The following DPH7 variants were observed in gnomAD, a reference collection of about 807,000 sequenced individuals.
DPH7 encodes diphthamide biosynthesis 7.
A neutral mutation model predicts 41.7 loss-of-function variants in DPH7; 44 were observed. The observed-to-expected ratio is 1.05, with a 90% CI of 0.83 to 1.36. DPH7 has a LOEUF of 1.36. DPH7 is among the 40% of genes most tolerant of loss of function. The probability of loss-of-function intolerance (pLI) is 0.00; values close to 1 mark genes in which losing one functional copy is unlikely to be tolerated. For synonymous variants in DPH7, 275 were observed against 238.0 expected (o/e 1.16, Z -1.43); for missense variants, 629 against 577.5 (o/e 1.09, Z -0.91).
At chr9:137,578,300 G>A (rs901749619) in intron 1 of DPH7, among the ~76,000 whole-genome samples, 6 of 152,198 alleles carry the variant, frequency 3.9e-5, no homozygotes, top group Non-Finnish European at 7.3e-5. Context: ...GAGTGGCTGG[G>A]ACTACAGGCG....
intron 5 of DPH7, among the ~76,000 whole-genome samples, chr9:137,572,591 C>T (rs1257395531): frequency 6.6e-6 from 1 of 152,160 alleles, no homozygotes; most frequent in African/African-American, 2.4e-5. Context: ...CAGATCTTTT[C>T]TTCGGCTGTT....
intron 5 of DPH7, among the ~76,000 whole-genome samples, chr9:137,570,189 A>G (rs1379531589): frequency 7.4e-6 from 1 of 134,828 alleles, no homozygotes; most frequent in African/African-American, 2.9e-5. Flanking sequence ...ATGGACCCTC[A>G]TAATAGACAC....
chr9:137,577,109 A>G (rs940193555), intron 2 of DPH7, among the ~76,000 whole-genome samples: 8 of 152,108 alleles, frequency 5.3e-5, no homozygotes. Flanking sequence ...GGGCATCTCC[A>G]TTACGTTAAG....
At chr9:137,571,821 TA>T (rs1341882282) in intron 5 of DPH7, among the ~76,000 whole-genome samples, 1 of 152,024 alleles carries the variant, frequency 6.6e-6, no homozygotes, top group East Asian at 1.9e-4. Context: ...TAATAAAACT[TA>T]AAAAAGAAAG....
chr9:137,558,879 C>T (rs889332207), intron 8 of DPH7, among the ~76,000 whole-genome samples: 10 of 152,042 alleles, frequency 6.6e-5, no homozygotes, highest in South Asian at 2.1e-4. Flanking sequence ...GGACTACAGG[C>T]GCCCGACCTC....
chr9:137,556,774 C>T lies in DPH7; in HGVS notation c.950-1126G>A, dbSNP rs1004168303. 2.9e-5 allele frequency: 13 copies of T among 455,448 alleles called. No homozygotes were observed. Among genetic ancestry groups the T allele is most frequent in the Admixed American group, 7.1e-5 (3 of 42,364 alleles). The allele number at this position is 455,448 out of a possible 1,614,324, so 28.2% of individuals were successfully genotyped here. Reference sequence around the variant, plus strand: ...CTCCGCTAGTCTTTCATCCAGCAATCGCTCAACACGTCCACTCGGGCCAGC... The same window carrying T: ...CTCCGCTAGTCTTTCATCCAGCAATTGCTCAACACGTCCACTCGGGCCAGC... On this transcript the variant is annotated intron_variant, in intron 8 of 8. Coordinates refer to ENST00000277540, the MANE Select transcript of DPH7 (RefSeq NM_138778.5). The surrounding 1 kb of genome is among the most constrained non-coding windows in gnomAD (Gnocchi z 5.2).
At chr9:137,570,110 A>G (rs1030212481) in intron 5 of DPH7, among the ~76,000 whole-genome samples, 13 of 149,146 alleles carry the variant, frequency 8.7e-5, no homozygotes, top group African/African-American at 3.0e-4. Flanking sequence ...ATCCACCCAC[A>G]CGCCCTCCTA....
At chr9:137,574,908 C>A (rs1841115345) in intron 3 of DPH7, 65 bp from the exon 4 acceptor site, 3 of 1,602,664 alleles carry the variant, frequency 1.9e-6, no homozygotes, top group Admixed American at 1.7e-5. Flanking sequence ...AAAGACTTTT[C>A]CTCTCCTGCA....
chr9:137,577,344 G>A (rs1002126929), intron 2 of DPH7, 126 bp downstream of exon 2: 4 of 966,198 alleles, frequency 4.1e-6, no homozygotes, highest in African/African-American at 3.3e-5. Context: ...AAGATAGGCG[G>A]GACAGCAAAG....
chr9:137,577,857 CCA>C, intron 1 of DPH7: 3 of 725,392 alleles, frequency 4.1e-6, no homozygotes, highest in Non-Finnish European at 5.1e-6. Flanking sequence ...ACCACAGAAC[CCA>C]GTTTGCCTGG....
intron 5 of DPH7, among the ~76,000 whole-genome samples, chr9:137,571,644 C>T (rs866593): frequency 4.6e-5 from 7 of 151,262 alleles, no homozygotes; most frequent in African/African-American, 1.5e-4. Flanking sequence ...AAAAATTAGC[C>T]GGGCATGGCG....
intron 7 of DPH7, 99 bp downstream of exon 7, chr9:137,564,794 G>T: frequency 6.9e-7 from 1 of 1,459,706 alleles, no homozygotes. Flanking sequence ...CTGCAATGGT[G>T]CCAGGAGGAA....
intron 5 of DPH7, among the ~76,000 whole-genome samples, chr9:137,570,450 T>C (rs1466233885): frequency 2.0e-5 from 3 of 152,208 alleles, no homozygotes; most frequent in Admixed American, 6.5e-5. Context: ...TCACCTCCAC[T>C]ACTCCAAACC....
chr9:137,562,782 C>T (rs1049407758), intron 8 of DPH7, among the ~76,000 whole-genome samples: 6 of 151,972 alleles, frequency 3.9e-5, no homozygotes, highest in Admixed American at 2.0e-4. Flanking sequence ...GCCTGGCCAA[C>T]GTGGTGAAAC....
At chr9:137,575,332 C>T (rs1352692135) in intron 3 of DPH7, 6 of 987,554 alleles carry the variant, frequency 6.1e-6, no homozygotes, top group Non-Finnish European at 7.2e-6. Context: ...ATATAAATTT[C>T]ATTTCCTAAA....
rs140800287 is a variant in DPH7 at position 137,574,887 on chromosome 9, C to T, written c.376-44G>A. The T allele has an allele frequency of 2.7e-4, 433 of 1,609,552 alleles. No homozygotes were observed. The African/African-American group carries it at 5.0e-3, about 19-fold the overall frequency. ...CTCCATCAAAGGGAAGTAGCCGCCC[C>T]AGAACCCCCAAAAGACTTTTCCTCT... On this transcript the variant is annotated intron_variant, in intron 3 of 8. Transcript: ENST00000277540.
chr9:137,573,503 C>G (rs1165100302), intron 5 of DPH7, among the ~76,000 whole-genome samples: 3 of 147,524 alleles, frequency 2.0e-5, no homozygotes, highest in Middle Eastern at 7.3e-3. Flanking sequence ...ACGGTGAAAC[C>G]CCATCTCTCT....
rs1837452793 is a variant in DPH7, at chr9:137,556,045, A to C, written c.950-397T>G. Among the ~76,000 whole-genome samples, 1 of 152,132 alleles carries C rather than the reference A, an allele frequency of 6.6e-6. No homozygotes were observed. Among genetic ancestry groups the C allele is most frequent in the Non-Finnish European group, 1.5e-5 (1 of 68,012 alleles). On this transcript the variant is annotated intron_variant, in intron 8 of 8. Coordinates refer to ENST00000277540, the MANE Select transcript of DPH7 (RefSeq NM_138778.5). This position sits in a 1 kb window ranked among gnomAD's most constrained non-coding sequence, Gnocchi z 5.2. ...AGCATGTGTACAGCAGAGGTGAGAAAGTCCAAGGCTCGCACGGGGAACCAC... is the reference window on the plus strand; with the variant it reads ...AGCATGTGTACAGCAGAGGTGAGAACGTCCAAGGCTCGCACGGGGAACCAC...
intron 3 of DPH7, chr9:137,575,815 G>A (rs1046483589): frequency 7.9e-7 from 1 of 1,273,722 alleles, no homozygotes; most frequent in Non-Finnish European, 1.0e-6. Flanking sequence ...TCTCCTTAGA[G>A]AACTTTCAGA....
Sources: allele counts gnomAD v4.1 joint callset (sites outside exome capture counted in the v4.1 genomes callset), GRCh38; gene constraint gnomAD v4.1.1; non-coding constraint Gnocchi (gnomAD v3.1); transcripts MANE v1.5; gene names NCBI Gene and HGNC (gene_info 2026-07-23, HGNC 2026-07-21).